Variants in GRM1 observed in about 807,000 individuals in gnomAD.
GRM1 encodes glutamate metabotropic receptor 1, also known as metabotropic glutamate receptor 1.
In GRM1, 33 loss-of-function variants were observed where a neutral mutation model predicts 90.9. That is an observed-to-expected ratio of 0.36 (90% CI 0.28 to 0.49). The LOEUF (loss-of-function observed/expected upper bound fraction) is 0.49, where lower values mean the gene tolerates loss of function less well. GRM1 is among the 20% of genes least tolerant of loss of function. The pLI, the probability that GRM1 is intolerant of heterozygous loss-of-function variation, is 0.99. For synonymous variants in GRM1, 700 were observed against 613.2 expected (o/e 1.14, Z -2.09); for missense variants, 1,190 against 1,534.3 (o/e 0.78, Z 3.75).
At chr6:146,260,722 T>C (rs1206151756) in intron 2 of GRM1, among the ~76,000 whole-genome samples, 1 of 151,868 alleles carries the variant, frequency 6.6e-6, no homozygotes, top group Non-Finnish European at 1.5e-5. Context: ...GAGCAGCTTT[T>C]CATAAATCTG....
chr6:146,029,961 C>G lies in GRM1; in HGVS notation c.444C>G (p.Pro148=), dbSNP rs138794480. ...GTCTGCCTGACGGCCAGTCCCTCCCCCCAGGCAGGACTAAGAAGCCCATTG... is the reference window on the plus strand; with the variant it reads ...GTCTGCCTGACGGCCAGTCCCTCCCGCCAGGCAGGACTAAGAAGCCCATTG... ...NRCLPDGQSL[P]PGRTKKPIAG... The change falls in exon 1 of 8, where the codon CCC becomes CCG. Residue 148 remains proline, a synonymous_variant. Transcript: ENST00000282753. The G allele has an allele frequency of 1.1e-3, 1,719 of 1,614,032 alleles. 5 individuals carry two copies. The highest frequency in any genetic ancestry group is 1.3e-3 in the Non-Finnish European group (1,499 of 1,179,908).
chr6:146,191,547 G>A (rs1370832906), intron 2 of GRM1, among the ~76,000 whole-genome samples: 1 of 152,064 alleles, frequency 6.6e-6, no homozygotes, highest in Non-Finnish European at 1.5e-5. Flanking sequence ...CTAGTTTCAG[G>A]GTCACATCAC....
intron 2 of GRM1, among the ~76,000 whole-genome samples, chr6:146,203,298 G>A (rs550469471): frequency 1.1e-4 from 16 of 152,278 alleles, no homozygotes; most frequent in African/African-American, 3.6e-4. Context: ...TCATGTAACA[G>A]TCTGATGAAG....
At chr6:146,295,527 C>A (rs1783146254) in intron 2 of GRM1, among the ~76,000 whole-genome samples, 1 of 152,164 alleles carries the variant, frequency 6.6e-6, no homozygotes, top group South Asian at 2.1e-4. Context: ...GCCACCACAC[C>A]AGCCTATCCA....
At chr6:146,409,646 T>A (rs1185354496) in intron 7 of GRM1, among the ~76,000 whole-genome samples, 1 of 151,868 alleles carries the variant, frequency 6.6e-6, no homozygotes, top group East Asian at 1.9e-4. Flanking sequence ...AAAATACATT[T>A]TAAGTTACAG....
chr6:146,198,498 T>C (rs1779196632), intron 2 of GRM1, among the ~76,000 whole-genome samples: 1 of 152,150 alleles, frequency 6.6e-6, no homozygotes, highest in Admixed American at 6.5e-5. Context: ...AGACCAGAGA[T>C]CTAATACAGT....
chr6:146,402,777 C>A (rs962505415), intron 7 of GRM1, among the ~76,000 whole-genome samples: 1 of 152,124 alleles, frequency 6.6e-6, no homozygotes, highest in Non-Finnish European at 1.5e-5. Flanking sequence ...AATGATGTTG[C>A]GTTGTCTGTT....
chr6:146,034,138 G>A (rs1790801553), intron 1 of GRM1, among the ~76,000 whole-genome samples: 1 of 152,042 alleles, frequency 6.6e-6, no homozygotes, highest in Non-Finnish European at 1.5e-5. Flanking sequence ...TAGAGTAGGA[G>A]TATATCGGAG....
intron 2 of GRM1, among the ~76,000 whole-genome samples, chr6:146,216,723 T>C (rs188867688): frequency 6.6e-6 from 1 of 152,326 alleles, no homozygotes; most frequent in African/African-American, 2.4e-5. Flanking sequence ...AGAGTCACCG[T>C]GTACTTTCAG....
At chr6:146,266,947 T>G (rs765405047) in intron 2 of GRM1, among the ~76,000 whole-genome samples, 3 of 152,196 alleles carry the variant, frequency 2.0e-5, no homozygotes, top group Non-Finnish European at 2.9e-5. Context: ...GTTACATAGG[T>G]AAACACGTGC....
At chr6:146,374,815 C>T (rs995328478) in intron 5 of GRM1, among the ~76,000 whole-genome samples, 5 of 151,812 alleles carry the variant, frequency 3.3e-5, no homozygotes, top group African/African-American at 1.2e-4. Flanking sequence ...AAAAAACCAA[C>T]TTTTTGTTTC....
chr6:146,392,734 G>T (rs755868570), intron 6 of GRM1, among the ~76,000 whole-genome samples: 1 of 152,022 alleles, frequency 6.6e-6, no homozygotes, highest in Non-Finnish European at 1.5e-5. Context: ...CCCTCGCTAT[G>T]CCCATATGTT....
intron 6 of GRM1, among the ~76,000 whole-genome samples, chr6:146,388,502 T>C (rs1167063736): frequency 6.6e-6 from 1 of 152,078 alleles, no homozygotes; most frequent in Non-Finnish European, 1.5e-5. Context: ...TAAGTGACAA[T>C]ACCTTGTAAA....
At chr6:146,053,717 G>A (rs943148202) in intron 1 of GRM1, among the ~76,000 whole-genome samples, 1 of 151,984 alleles carries the variant, frequency 6.6e-6, no homozygotes, top group African/African-American at 2.4e-5. Context: ...AGAAACATCT[G>A]GGGATATTGC....
Position 146,029,584 on chromosome 6 carries a change from C to A in GRM1, c.67C>A (p.Pro23Thr). 3 of 1,614,144 alleles carry A rather than the reference C, an allele frequency of 1.9e-6. No homozygotes were observed. Among genetic ancestry groups the A allele is most frequent in the Non-Finnish European group, 2.5e-6 (3 of 1,180,028 alleles). ...FLEVSLLPRS[P>T]GRKVLLAGAS... ...GGAGGTGTCCCTTCTCCCCAGAAGCCCCGGCAGGAAAGTGTTGCTGGCAGG... is the reference window on the plus strand; with the variant it reads ...GGAGGTGTCCCTTCTCCCCAGAAGCACCGGCAGGAAAGTGTTGCTGGCAGG... Residue 23 changes from proline (P) to threonine (T), a missense_variant, in exon 1 of 8, where the codon CCC becomes ACC. This residue lies in a region of GRM1 where 44 missense variants were observed against 35.8 expected (regional missense o/e 1.23). Transcript: ENST00000282753.
chr6:146,421,281 A>T (rs565642177), intron 7 of GRM1, among the ~76,000 whole-genome samples: 51 of 152,144 alleles, frequency 3.4e-4, no homozygotes, highest in Non-Finnish European at 6.2e-4. Flanking sequence ...AGAAGAATGG[A>T]TTATTTTTTA....
rs146177367 is a variant in GRM1 at position 146,073,490 on chromosome 6, G to A, written c.700+43273G>A. ...AACTTTACTTTTCATTTGTATTTTG[G>A]TACTAATATTTGGCCTATTTATATA... On this transcript the variant is annotated intron_variant, in intron 1 of 7. Transcript: ENST00000282753. Among the ~76,000 whole-genome samples, 675 of 152,084 alleles carry A rather than the reference G, an allele frequency of 4.4e-3. 3 individuals are homozygous for A. The highest frequency in any genetic ancestry group is 0.015 in the African/African-American group (610 of 41,474).
In GRM1 at chr6:146,029,832, C is replaced by T. The variant is rs1790645772; in HGVS notation, c.315C>T (p.Ile105=). 6.2e-7 allele frequency: 1 copy of T among 1,614,136 alleles called. No homozygotes were observed. The highest frequency in any genetic ancestry group is 8.5e-7 in the Non-Finnish European group (1 of 1,180,002). ...CCAACATCACCCTGGGCAGTGAGAT[C>T]CGGGACTCCTGCTGGCACTCTTCCG... The part of the protein sequence containing the change: ...LLPNITLGSE[I]RDSCWHSSVA... Residue 105 remains isoleucine, a synonymous_variant, in exon 1 of 8, where the codon ATC becomes ATT. Transcript: ENST00000282753.
At chr6:146,095,296 T>C (rs1776840843) in intron 1 of GRM1, among the ~76,000 whole-genome samples, 1 of 152,100 alleles carries the variant, frequency 6.6e-6, no homozygotes, top group Admixed American at 6.6e-5. Flanking sequence ...TCCCTTATGG[T>C]CAAATGGTGA....
Sources: allele counts gnomAD v4.1 joint callset (sites outside exome capture counted in the v4.1 genomes callset), GRCh38; gene constraint gnomAD v4.1.1; regional missense constraint gnomAD v4.1.1; transcripts MANE v1.5; gene names NCBI Gene and HGNC (gene_info 2026-07-23, HGNC 2026-07-21).